GGNBP2: variants seen among roughly 807,000 people sequenced by gnomAD.
GGNBP2 encodes the protein gametogenetin binding protein 2.
Under a neutral mutation model 85.9 loss-of-function variants are expected in GGNBP2, and 10 were observed. The ratio of observed to expected loss-of-function variants is 0.12; its 90% CI spans 0.07 to 0.20. GGNBP2 has a LOEUF of 0.20. GGNBP2 is among the 10% of genes least tolerant of loss of function. The pLI, the probability that GGNBP2 is intolerant of heterozygous loss-of-function variation, is 1.00. For synonymous variants in GGNBP2, 287 were observed against 285.7 expected (o/e 1.00, Z -0.05); for missense variants, 595 against 857.8 (o/e 0.69, Z 3.83).
chr17:36,576,042 T>C (rs1171491001), intron 6 of GGNBP2, among the ~76,000 whole-genome samples: 1 of 149,220 alleles, frequency 6.7e-6, no homozygotes, highest in Non-Finnish European at 1.5e-5. Flanking sequence ...GTAAATACTA[T>C]AGTAAGAAGT....
chr17:36,558,735 C>G (rs922308908), intron 4 of GGNBP2, among the ~76,000 whole-genome samples: 2 of 150,602 alleles, frequency 1.3e-5, no homozygotes, highest in African/African-American at 4.9e-5. Context: ...GGATTACAGG[C>G]GTGAGCCACC....
In GGNBP2 at chr17:36,575,229, G is replaced by A. The variant is rs562498889; in HGVS notation, c.642-2754G>A. ...CAGCCGCGGCCTCAGCCCCAGCCCC[G>A]GCCCCGGATGCCACTGCCGAAACCT... On this transcript the variant is annotated intron_variant, in intron 6 of 13. Transcript: ENST00000613102. 506 of 636,230 alleles carry A rather than the reference G, an allele frequency of 8.0e-4. 2 individuals are homozygous for A. Among genetic ancestry groups the A allele is most frequent in the African/African-American group, 7.8e-3 (428 of 54,656 alleles). 39.4% of individuals were successfully genotyped at this position (636,230 alleles called of 1,614,324 possible). A position where few individuals can be genotyped will look rare whatever the true frequency, so the allele number is the denominator to read the frequency against.
rs968983813 is a variant in GGNBP2, at chr17:36,567,554, C to T, written c.528-109C>T. 1.2e-4 allele frequency: 77 copies of T among 634,442 alleles called. 1 individual carries two copies. The South Asian group carries it at 1.5e-3, about 12-fold the overall frequency. The allele number at this position is 634,442 out of a possible 1,614,324, so 39.3% of individuals were successfully genotyped here. ...GGATCATTTTCCATTATGGACGTTTCCAGGGAACAGCCAGGTAAAAACAAG... is the reference window on the plus strand; with the variant it reads ...GGATCATTTTCCATTATGGACGTTTTCAGGGAACAGCCAGGTAAAAACAAG... On this transcript the variant is annotated intron_variant, in intron 5 of 13. Transcript: ENST00000613102.
intron 5 of GGNBP2, among the ~76,000 whole-genome samples, chr17:36,564,207 T>C (rs2074447564): frequency 6.6e-6 from 1 of 152,186 alleles, no homozygotes; most frequent in South Asian, 2.1e-4. Flanking sequence ...AGGCCTAAAG[T>C]GGTATGATAC....
At position 36,589,547 on chromosome 17, in the gene GGNBP2, A is replaced by G. The variant is rs546497360; in HGVS notation, c.*136A>G. 2,013 of 659,336 alleles carry G rather than the reference A, an allele frequency of 3.1e-3. 58 individuals carry two copies. In the South Asian group the frequency reaches 0.037, roughly 12 times the overall value. 40.8% of individuals were successfully genotyped at this position (659,336 alleles called of 1,614,324 possible). On this transcript the variant is annotated 3_prime_UTR_variant, in exon 14 of 14. Coordinates refer to ENST00000613102, the MANE Select transcript of GGNBP2 (RefSeq NM_024835.5). ...ATGTGATTCTTTCTTGTTTTGGGAG[A>G]CGGTGGAGGTATCCTCATTAGTTCT...
rs2074734240 is a variant in GGNBP2, at chr17:36,589,239, T to G, written c.1922T>G (p.Ile641Ser). 6.2e-7 allele frequency: 1 copy of G among 1,613,122 alleles called. No homozygotes were observed. Among genetic ancestry groups the G allele is most frequent in the Admixed American group, 1.7e-5 (1 of 59,998 alleles). ...TCTGAATGTACTTCAGATGAGGAAA[T>G]CTTTATCTCACAAGATGAAATACAG... ...DESECTSDEE[I>S]FISQDEIQSF... Residue 641 changes from isoleucine (I) to serine (S), a missense_variant, in exon 14 of 14, where the codon ATC becomes AGC. Ile to Ser is a moderately radical substitution (Grantham distance 142). Around this residue, in one of 9 missense-constraint regions of GGNBP2, gnomAD observed 120 missense variants for 126.3 expected, o/e 0.95. Transcript: ENST00000613102.
intron 2 of GGNBP2, among the ~76,000 whole-genome samples, chr17:36,553,063 C>T (rs561323721): frequency 6.7e-6 from 1 of 148,272 alleles, no homozygotes; most frequent in Non-Finnish European, 1.5e-5. Flanking sequence ...GGAAGCATGT[C>T]TCTAAACATG....
chr17:36,553,623 G>A lies in GGNBP2; in HGVS notation c.94-1197G>A, dbSNP rs182109106. 1.2e-3 allele frequency among the ~76,000 whole-genome samples: 186 copies of A among 152,304 alleles called. 3 individuals are homozygous for A. The South Asian group carries it at 0.023, about 19-fold the overall frequency. On this transcript the variant is annotated intron_variant, in intron 2 of 13. Transcript: ENST00000613102. ...TCTCTTGACTTCACTCTTTGATTTT[G>A]TAGGAGTTTGTGGTCCTTGTTATGT...
intron 2 of GGNBP2, chr17:36,547,130 T>C (rs922886179): frequency 6.6e-6 from 1 of 152,250 alleles, no homozygotes; most frequent in African/African-American, 2.4e-5. Flanking sequence ...GTGTCTTGAT[T>C]ATGATTTCTG....
chr17:36,569,241 G>T (rs1052485148), intron 6 of GGNBP2, among the ~76,000 whole-genome samples: 1 of 152,040 alleles, frequency 6.6e-6, no homozygotes, highest in African/African-American at 2.4e-5. Flanking sequence ...GCGAAACCCC[G>T]TGTCTACTAA....
intron 2 of GGNBP2, among the ~76,000 whole-genome samples, chr17:36,553,351 A>G (rs192522665): frequency 1.5e-3 from 232 of 152,264 alleles, no homozygotes; most frequent in Non-Finnish European, 2.9e-3. Context: ...TACTTCATAT[A>G]TCTCATATTC....
At chr17:36,555,386 A>G (rs561761856) in intron 3 of GGNBP2, among the ~76,000 whole-genome samples, 1 of 152,320 alleles carries the variant, frequency 6.6e-6, no homozygotes, top group Non-Finnish European at 1.5e-5. Context: ...AAAATCCACA[A>G]TGCTTATACA....
intron 2 of GGNBP2, among the ~76,000 whole-genome samples, chr17:36,551,777 C>T (rs1443840063): frequency 1.3e-5 from 2 of 151,756 alleles, no homozygotes; most frequent in African/African-American, 4.8e-5. Flanking sequence ...TGCAGTGAGT[C>T]GAGATTGAGC....
At position 36,545,702 on chromosome 17, in the gene GGNBP2, T is replaced by C; in HGVS notation, c.-23T>C. 6.5e-7 allele frequency: 1 copy of C among 1,545,608 alleles called. No individual in the cohort carries two copies. The highest frequency in any genetic ancestry group is 8.8e-7 in the Non-Finnish European group (1 of 1,140,612). On this transcript the variant is annotated 5_prime_UTR_variant, in exon 2 of 14. Coordinates refer to ENST00000613102, the MANE Select transcript of GGNBP2 (RefSeq NM_024835.5). ...GGCAGCTGGGAGGAGGTGGTGACGG[T>C]GGCAACGGCAGCGTCGGGGACGATG...
chr17:36,579,514 C>T (rs1193881867), intron 8 of GGNBP2, 95 bp downstream of exon 8: 3 of 1,040,492 alleles, frequency 2.9e-6, no homozygotes, highest in Admixed American at 4.0e-5. Context: ...AAGGACTGTC[C>T]ATCACTGATA....
intron 6 of GGNBP2, among the ~76,000 whole-genome samples, chr17:36,570,332 T>C (rs1253404929): frequency 6.6e-6 from 1 of 152,192 alleles, no homozygotes; most frequent in Non-Finnish European, 1.5e-5. Flanking sequence ...ATGATCACAG[T>C]GGCCGTGATT....
chr17:36,576,104 G>A (rs1555607688), intron 6 of GGNBP2, among the ~76,000 whole-genome samples: 3 of 144,050 alleles, frequency 2.1e-5, no homozygotes, highest in South Asian at 4.8e-4. Context: ...TTGGGAGGCT[G>A]AGGTGGAGGG....
intron 13 of GGNBP2, among the ~76,000 whole-genome samples, chr17:36,588,106 T>C (rs1172090097): frequency 6.6e-6 from 1 of 152,196 alleles, no homozygotes; most frequent in Non-Finnish European, 1.5e-5. Context: ...TTAGGTGTCA[T>C]GTAGGGTAAG....
intron 13 of GGNBP2, 65 bp downstream of exon 13, chr17:36,587,310 T>G: frequency 6.5e-7 from 1 of 1,549,166 alleles, no homozygotes. Context: ...TGGGAGGGGA[T>G]AGTATTTGAG....
Sources: gnomAD v4.1 joint callset for allele counts (sites outside exome capture counted in the v4.1 genomes callset) on GRCh38, gnomAD v4.1.1 for gene constraint, gnomAD v4.1.1 regional missense constraint, MANE v1.5 for transcripts, NCBI Gene and HGNC (gene_info 2026-07-23, HGNC 2026-07-21) for gene names.